CSMD1: variants seen among roughly 807,000 people sequenced by gnomAD.
CSMD1 encodes the protein CUB and sushi domain-containing protein 1.
In CSMD1, 213 loss-of-function variants were observed where a neutral mutation model predicts 417.5. The observed-to-expected ratio is 0.51, with a 90% CI of 0.46 to 0.57. The LOEUF is 0.57. CSMD1 is among the 20% of genes least tolerant of loss of function. The pLI is 0.00. For missense variants in CSMD1, 6,923 were observed against 4,529.7 expected (o/e 1.53, Z -15.17); for synonymous variants, 2,862 against 1,736.8 (o/e 1.65, Z -16.11).
At chr8:3,907,378 T>C (rs1455275303) in intron 5 of CSMD1, among the ~76,000 whole-genome samples, 2 of 152,228 alleles carry the variant, frequency 1.3e-5, no homozygotes, top group Non-Finnish European at 2.9e-5. Context: ...TTTTGGGAAT[T>C]ATCTAAATGG....
At chr8:4,830,371 T>TG (rs142841495) in intron 1 of CSMD1, among the ~76,000 whole-genome samples, 1,590 of 152,296 alleles carry the variant, frequency 0.01, 23 homozygotes, top group African/African-American at 0.036. Flanking sequence ...TTGATGGCTG[T>TG]GAAAAAATAA....
chr8:3,174,915 T>C (rs1001827790), intron 37 of CSMD1, among the ~76,000 whole-genome samples: 1 of 152,186 alleles, frequency 6.6e-6, no homozygotes, highest in African/African-American at 2.4e-5. Context: ...TGTTTGACTA[T>C]GTATTTTTTG....
At chr8:4,917,651 G>C (rs28661602) in intron 1 of CSMD1, among the ~76,000 whole-genome samples, 1 of 151,026 alleles carries the variant, frequency 6.6e-6, no homozygotes, top group African/African-American at 2.4e-5. Flanking sequence ...ATAAATAAAT[G>C]AAATAAAATA....
chr8:3,862,060 C>G (rs1305043562), intron 5 of CSMD1, among the ~76,000 whole-genome samples: 1 of 152,196 alleles, frequency 6.6e-6, no homozygotes, highest in Non-Finnish European at 1.5e-5. Context: ...AAAGTTTTCT[C>G]TCCCATGTGC....
chr8:3,312,437 C>CT (rs1416213833), intron 23 of CSMD1, among the ~76,000 whole-genome samples: 13 of 152,168 alleles, frequency 8.5e-5, no homozygotes, highest in Admixed American at 5.2e-4. Context: ...TGTGTGATGT[C>CT]TTTTTATAAA....
intron 7 of CSMD1, among the ~76,000 whole-genome samples, chr8:3,629,702 T>C (rs13263402): frequency 0.65 from 98,612 of 152,016 alleles, 32,460 homozygotes; most frequent in Middle Eastern, 0.8. Flanking sequence ...AAAGACCACA[T>C]GATCGGCACA....
At chr8:3,875,481 C>T (rs6998344) in intron 5 of CSMD1, among the ~76,000 whole-genome samples, 30,860 of 151,776 alleles carry the variant, frequency 0.2, 3,398 homozygotes, top group African/African-American at 0.29. Context: ...AACTGGGTTC[C>T]GAGGGTCACT....
chr8:4,773,831 A>G (rs1796714768), intron 1 of CSMD1, among the ~76,000 whole-genome samples: 1 of 152,204 alleles, frequency 6.6e-6, no homozygotes, highest in African/African-American at 2.4e-5. Flanking sequence ...AAAAAAATAA[A>G]AATTTAATTG....
intron 7 of CSMD1, among the ~76,000 whole-genome samples, chr8:3,656,935 A>G (rs913198980): frequency 2.0e-5 from 3 of 151,600 alleles, no homozygotes; most frequent in Non-Finnish European, 4.4e-5. Context: ...AAAAAAAAAA[A>G]AGCCTTTAAA....
chr8:4,333,382 G>A (rs954524596), intron 3 of CSMD1, among the ~76,000 whole-genome samples: 7 of 152,160 alleles, frequency 4.6e-5, no homozygotes, highest in African/African-American at 1.4e-4. Flanking sequence ...TCCAGGGACG[G>A]CTGACAGGGG....
intron 1 of CSMD1, among the ~76,000 whole-genome samples, chr8:4,645,668 C>A (rs983250456): frequency 3.3e-5 from 5 of 151,814 alleles, no homozygotes; most frequent in Admixed American, 1.3e-4. Context: ...GGGGTAGACA[C>A]AGAAAAGAAA....
intron 1 of CSMD1, among the ~76,000 whole-genome samples, chr8:4,913,311 A>C (rs1805828614): frequency 6.6e-6 from 1 of 152,118 alleles, no homozygotes; most frequent in Non-Finnish European, 1.5e-5. Flanking sequence ...TTGGTGTTAT[A>C]ATTACTTGCA....
At chr8:3,175,654 C>T (rs1232272896) in intron 37 of CSMD1, among the ~76,000 whole-genome samples, 1 of 149,932 alleles carries the variant, frequency 6.7e-6, no homozygotes, top group African/African-American at 2.5e-5. Context: ...GGCCCCGTTC[C>T]CTCTGCATAG....
chr8:3,484,365 A>G (rs940990213), intron 11 of CSMD1, among the ~76,000 whole-genome samples: 1 of 152,250 alleles, frequency 6.6e-6, no homozygotes, highest in Non-Finnish European at 1.5e-5. Flanking sequence ...GCTACTGAAC[A>G]GTTGGATACA....
At chr8:4,678,303 T>C (rs1001970363) in intron 1 of CSMD1, among the ~76,000 whole-genome samples, 36 of 151,858 alleles carry the variant, frequency 2.4e-4, no homozygotes, top group Non-Finnish European at 8.8e-5. Context: ...CCCAACTACT[T>C]GGGAGGGTGA....
At position 4,668,804 on chromosome 8, in the gene CSMD1, C is replaced by T. The variant is rs373651899; in HGVS notation, c.86-31246G>A. Among the ~76,000 whole-genome samples, 5 of 152,242 alleles carry T rather than the reference C, an allele frequency of 3.3e-5. No individual in the cohort carries two copies. In the East Asian group the frequency reaches 5.8e-4, roughly 18 times the overall value. The stretch of plus-strand genomic sequence containing the variant: ...CTTAATCCCTCAATGAAGTGCTCAA[C>T]ATTCTCCATGATTTCTTCTCTATAT... On this transcript the variant is annotated intron_variant, in intron 1 of 69. Coordinates refer to ENST00000635120, the MANE Select transcript of CSMD1 (RefSeq NM_033225.6).
At position 3,160,901 on chromosome 8, in the gene CSMD1, G is replaced by A. The variant is rs75586509; in HGVS notation, c.5844+1258C>T. Among the ~76,000 whole-genome samples the A allele has an allele frequency of 6.9e-3, 1,054 of 152,226 alleles. 11 individuals carry two copies. The highest frequency in any genetic ancestry group is 0.024 in the African/African-American group (1,008 of 41,524). On this transcript the variant is annotated intron_variant, in intron 38 of 69. Transcript: ENST00000635120. ...GTTCTTGCTCTTAACTTGATTCACT[G>A]CTACACAATATTTACCCCAATGTAC...
At chr8:4,596,539 C>G (rs770070452) in intron 2 of CSMD1, among the ~76,000 whole-genome samples, 3 of 147,460 alleles carry the variant, frequency 2.0e-5, no homozygotes, top group Non-Finnish European at 4.5e-5. Context: ...TCTCACCAAG[C>G]TATAAGCTTT....
At chr8:4,025,814 G>C (rs922093785) in intron 4 of CSMD1, among the ~76,000 whole-genome samples, 1 of 152,090 alleles carries the variant, frequency 6.6e-6, no homozygotes, top group African/African-American at 2.4e-5. Context: ...CTCTGATTTA[G>C]TTCTGTTAAT....
Sources: allele counts gnomAD v4.1 joint callset (sites outside exome capture counted in the v4.1 genomes callset), GRCh38; gene constraint gnomAD v4.1.1; transcripts MANE v1.5; gene names NCBI Gene and HGNC (gene_info 2026-07-23, HGNC 2026-07-21).